The following B3GALNT2 variants were observed in gnomAD, a reference collection of about 807,000 sequenced individuals.
B3GALNT2 encodes the protein UDP-GalNAc:beta-1,3-N-acetylgalactosaminyltransferase 2.
In B3GALNT2, 53 loss-of-function variants were observed where a neutral mutation model predicts 61.1. The observed-to-expected ratio is 0.87, with a 90% CI of 0.70 to 1.09. The LOEUF (loss-of-function observed/expected upper bound fraction) is 1.09. B3GALNT2 is among the 50% of genes least tolerant of loss of function. The pLI is 0.00. For synonymous variants in B3GALNT2, 223 were observed against 237.4 expected (o/e 0.94, Z 0.56); for missense variants, 544 against 623.0 (o/e 0.87, Z 1.35).
In B3GALNT2 at chr1:235,454,237, A is replaced by C; in HGVS notation, c.1230T>G (p.Phe410Leu). 1.9e-6 allele frequency: 3 copies of C among 1,613,646 alleles called. No homozygotes were observed. Among genetic ancestry groups the C allele is most frequent in the Non-Finnish European group, 2.5e-6 (3 of 1,179,682 alleles). ...LEYPSPAYPA[F>L]ACGSGYVISK... is the part of the protein sequence containing the mutation. ...AGATCACATATCCTGACCCACATGC[A>C]AAGGCAGGGTAAGCGGGGCTCGGGT... is the stretch of plus-strand genomic sequence containing the variant. Residue 410 changes from phenylalanine to leucine, a missense_variant, in exon 10 of 12, where the codon TTT (phenylalanine) becomes TTG (leucine). Physicochemically the swap from Phe to Leu is conservative, Grantham distance 22 (BLOSUM62 0). Transcript: ENST00000366600.
At chr1:235,452,928 T>C (rs1438410913) in intron 11 of B3GALNT2, among the ~76,000 whole-genome samples, 162 bp downstream of exon 11, 1 of 152,220 alleles carries the variant, frequency 6.6e-6, no homozygotes, top group Non-Finnish European at 1.5e-5. Flanking sequence ...AGATTTGGAA[T>C]GTGCAACTTC....
intron 5 of B3GALNT2, among the ~76,000 whole-genome samples, chr1:235,474,981 A>T (rs1296560035): frequency 0.13 from 4,850 of 37,380 alleles, 679 homozygotes; most frequent in East Asian, 0.42. Flanking sequence ...ATATATATAT[A>T]TATATATTTT....
At chr1:235,442,807 A>G (rs983578769), downstream of B3GALNT2, 1 of 1,571,914 alleles carries the variant, frequency 6.4e-7, no homozygotes, top group Admixed American at 1.7e-5. Flanking sequence ...TTAAATCCAT[A>G]TAATAGTAGA....
intron 1 of B3GALNT2, among the ~76,000 whole-genome samples, chr1:235,500,046 G>A (rs1685516864): frequency 6.6e-6 from 1 of 152,214 alleles, no homozygotes; most frequent in Non-Finnish European, 1.5e-5. Flanking sequence ...CAGCAGGTCA[G>A]AGACAGCTGC....
chr1:235,448,794 G>A lies in B3GALNT2; in HGVS notation c.*1412C>T. The A allele has an allele frequency of 7.0e-7, 1 of 1,437,796 alleles. No individual in the cohort carries two copies. The highest frequency in any genetic ancestry group is 9.8e-7 in the Non-Finnish European group (1 of 1,021,032). The allele number at this position is 1,437,796 out of a possible 1,614,324, so 89.1% of individuals were successfully genotyped here. ...ACTAATAAAATTTAAAGACCACACTGCTTATCGTGTCTGGGGTTCACCGGA... is the reference window on the plus strand; with the variant it reads ...ACTAATAAAATTTAAAGACCACACTACTTATCGTGTCTGGGGTTCACCGGA... On this transcript the variant is annotated 3_prime_UTR_variant, in exon 12 of 12. Coordinates refer to ENST00000366600, the MANE Select transcript of B3GALNT2 (RefSeq NM_152490.5).
chr1:235,456,398 CAATAA>C (rs1683174637), intron 8 of B3GALNT2, among the ~76,000 whole-genome samples: 1 of 152,060 alleles, frequency 6.6e-6, no homozygotes, highest in Non-Finnish European at 1.5e-5. Context: ...TCAGAAATCT[CAATAA>C]AATAAATTTA....
At chr1:235,498,091 G>GT (rs1367933659) in intron 1 of B3GALNT2, among the ~76,000 whole-genome samples, 1 of 152,128 alleles carries the variant, frequency 6.6e-6, no homozygotes, top group Non-Finnish European at 1.5e-5. Context: ...AGAAAAATAG[G>GT]TTTTTTAACC....
chr1:235,460,507 T>C (rs1246149838), intron 7 of B3GALNT2, among the ~76,000 whole-genome samples: 2 of 150,412 alleles, frequency 1.3e-5, no homozygotes, highest in African/African-American at 4.9e-5. Flanking sequence ...AAATAAAAAA[T>C]TGTTAATTCT....
chr1:235,494,106 T>C (rs926731270), intron 2 of B3GALNT2, among the ~76,000 whole-genome samples: 6 of 152,106 alleles, frequency 3.9e-5, no homozygotes, highest in African/African-American at 1.4e-4. Flanking sequence ...ATTACACAAC[T>C]AAAAAATACT....
At chr1:235,466,716 C>T (rs1683713916) in intron 6 of B3GALNT2, among the ~76,000 whole-genome samples, 1 of 152,176 alleles carries the variant, frequency 6.6e-6, no homozygotes, top group South Asian at 2.1e-4. Context: ...GTCCTTTCTA[C>T]TTCTTAGAAT....
chr1:235,487,850 C>G (rs963081235), intron 3 of B3GALNT2, among the ~76,000 whole-genome samples: 1 of 152,158 alleles, frequency 6.6e-6, no homozygotes, highest in Non-Finnish European at 1.5e-5. Context: ...GTAGCGGAAG[C>G]AGATCATAGC....
At chr1:235,468,596 G>A (rs1683836135) in intron 6 of B3GALNT2, among the ~76,000 whole-genome samples, 1 of 151,698 alleles carries the variant, frequency 6.6e-6, no homozygotes, top group Admixed American at 6.6e-5. Context: ...GGGACTACAG[G>A]CACCCGCCAC....
At chr1:235,484,243 A>G (rs950724965) in intron 4 of B3GALNT2, 79 bp downstream of exon 4, 2 of 1,501,482 alleles carry the variant, frequency 1.3e-6, no homozygotes, top group African/African-American at 2.8e-5. Flanking sequence ...CTTCCAATCT[A>G]CTTACTGTAT....
the B3GALNT2 span, chr1:235,441,586 C>CT: frequency 1.8e-6 from 1 of 558,458 alleles, no homozygotes; most frequent in African/African-American, 1.9e-5. Context: ...TAACAATGAG[C>CT]TAGATAAGCT....
intron 2 of B3GALNT2, among the ~76,000 whole-genome samples, 199 bp downstream of exon 2, chr1:235,494,482 G>T (rs528681753): frequency 6.6e-6 from 1 of 151,492 alleles, no homozygotes; most frequent in Admixed American, 6.6e-5. Flanking sequence ...ATTAGGCAGG[G>T]ACTCATTCCC....
Position 235,448,767 on chromosome 1 carries a change from CAACT to C in B3GALNT2, c.*1435_*1438del. On this transcript the variant is annotated 3_prime_UTR_variant, in exon 12 of 12. Transcript: ENST00000366600. ...TGTCTATTAGTGCGATGGTGACAAC[CAACT>C]AATAAAATTTAAAGACCACACTGCT... 3 of 1,599,060 alleles carry C rather than the reference CAACT, an allele frequency of 1.9e-6. No individual in the cohort carries two copies. Among genetic ancestry groups the C allele is most frequent in the Non-Finnish European group, 2.6e-6 (3 of 1,166,746 alleles).
At chr1:235,446,386 A>C (rs1414358219), downstream of B3GALNT2, among the ~76,000 whole-genome samples, 2 of 152,138 alleles carry the variant, frequency 1.3e-5, no homozygotes, top group African/African-American at 4.8e-5. Flanking sequence ...CATGTTGGCC[A>C]GGCTGGTCTC....
intron 6 of B3GALNT2, among the ~76,000 whole-genome samples, chr1:235,470,170 A>T (rs959009131): frequency 6.6e-5 from 10 of 152,136 alleles, no homozygotes; most frequent in African/African-American, 2.2e-4. Context: ...AAGTTCTGGG[A>T]TTATTGGCAT....
At chr1:235,440,134 C>G in the B3GALNT2 span, among the ~76,000 whole-genome samples, 1 of 152,082 alleles carries the variant, frequency 6.6e-6, no homozygotes, top group Non-Finnish European at 1.5e-5. Context: ...CCACACCCGG[C>G]TAATTTTTTG....
Sources: allele counts gnomAD v4.1 joint callset (sites outside exome capture counted in the v4.1 genomes callset), GRCh38; gene constraint gnomAD v4.1.1; transcripts MANE v1.5; gene names NCBI Gene and HGNC (gene_info 2026-07-23, HGNC 2026-07-21).